HAVCR2: variants seen among roughly 807,000 people sequenced by gnomAD.
The protein encoded by HAVCR2 is hepatitis A virus cellular receptor 2.
A neutral mutation model predicts 24.7 loss-of-function variants in HAVCR2; 13 were observed. The observed-to-expected ratio is 0.53, with a 90% CI of 0.34 to 0.84. The LOEUF (loss-of-function observed/expected upper bound fraction) is 0.84, where lower values mean the gene tolerates loss of function less well. Ranked by LOEUF, HAVCR2 falls within the 40% of genes least tolerant of loss-of-function variation. The probability of loss-of-function intolerance (pLI) is 0.01; values close to 1 mark genes in which losing one functional copy is unlikely to be tolerated. For synonymous variants in HAVCR2, 154 were observed against 143.4 expected (o/e 1.07, Z -0.53); for missense variants, 343 against 371.2 (o/e 0.92, Z 0.62).
rs372946929 is a variant in HAVCR2, at chr5:157,106,756, G to C, written c.265C>G (p.Arg89Gly). Reference sequence around the variant, plus strand: ...ATGGTCAGGGACACATCTCCTTTGCGGAAATCCCCATTTAGCCAGTATCTG... The same window carrying C: ...ATGGTCAGGGACACATCTCCTTTGCCGAAATCCCCATTTAGCCAGTATCTG... ...TSRYWLNGDFRKGDVSLTIEN... is the reference protein window; with the variant it reads ...TSRYWLNGDFGKGDVSLTIEN... The change falls in exon 2 of 7, where the codon CGC (arginine) becomes GGC (glycine). Residue 89 changes from arginine to glycine, a missense_variant. By Grantham distance (125) the Arg-to-Gly change is moderately radical. Transcript: ENST00000307851. 19 of 1,613,996 alleles carry C rather than the reference G, an allele frequency of 1.2e-5. No homozygotes were observed. Among genetic ancestry groups the C allele is most frequent in the Middle Eastern group, 1.6e-4 (1 of 6,084 alleles).
chr5:157,098,452 G>T (rs931089635), intron 4 of HAVCR2, among the ~76,000 whole-genome samples: 1 of 151,786 alleles, frequency 6.6e-6, no homozygotes, highest in East Asian at 1.9e-4. Context: ...TTCCTGACTG[G>T]TGTCTTGCCA....
intron 3 of HAVCR2, among the ~76,000 whole-genome samples, chr5:157,102,372 C>A (rs190659423): frequency 6.6e-6 from 1 of 152,216 alleles, no homozygotes; most frequent in East Asian, 1.9e-4. Flanking sequence ...CTGTGCCCAG[C>A]CCCATTTTTA....
Position 157,106,799 on chromosome 5 carries a change from A to T in HAVCR2, c.222T>A (p.Asp74Glu), listed in dbSNP as rs372130478. Residue 74 changes from aspartate to glutamate, a missense_variant, in exon 2 of 7, where the codon GAT becomes GAA. Physicochemically the swap from Asp to Glu is conservative, Grantham distance 45. Transcript: ENST00000307851. ...GNVVLRTDER[D>E]VNYWTSRYWL... ...AGTATCTGGATGTCCAATAATTCAC[A>T]TCCCTTTCATCAGTCCTGAGCACCA... is the stretch of plus-strand genomic sequence containing the variant. 6 of 1,614,040 alleles carry T rather than the reference A, an allele frequency of 3.7e-6. No individual in the cohort carries two copies. In the African/African-American group the frequency reaches 8.0e-5, roughly 22 times the overall value.
At chr5:157,088,046 C>A (rs1427393345) in intron 6 of HAVCR2, among the ~76,000 whole-genome samples, 1 of 152,140 alleles carries the variant, frequency 6.6e-6, no homozygotes, top group Non-Finnish European at 1.5e-5. Flanking sequence ...CAGCCTTCAT[C>A]TCCTGTGCTC....
At chr5:157,099,916 G>C (rs554632145) in intron 3 of HAVCR2, among the ~76,000 whole-genome samples, 1 of 152,042 alleles carries the variant, frequency 6.6e-6, no homozygotes, top group Non-Finnish European at 1.5e-5. Flanking sequence ...GGCTAGTCTC[G>C]AACTCCTGAC....
chr5:157,089,970 G>A (rs1006861560), intron 5 of HAVCR2, among the ~76,000 whole-genome samples: 1 of 152,056 alleles, frequency 6.6e-6, no homozygotes, highest in African/African-American at 2.4e-5. Flanking sequence ...TTTACCCGCT[G>A]AAAACAACTA....
intron 3 of HAVCR2, 137 bp from the exon 4 acceptor site, chr5:157,099,038 G>T: frequency 1.3e-6 from 1 of 753,906 alleles, no homozygotes. Flanking sequence ...CTCCGTACTT[G>T]TCACAATAAT....
chr5:157,104,052 A>G (rs1293177478), intron 3 of HAVCR2, among the ~76,000 whole-genome samples: 1 of 152,218 alleles, frequency 6.6e-6, no homozygotes, highest in African/African-American at 2.4e-5. Context: ...GAAGAAAAAA[A>G]AAATGGAGCT....
chr5:157,088,712 G>T (rs1235884203), intron 6 of HAVCR2, among the ~76,000 whole-genome samples: 1 of 152,190 alleles, frequency 6.6e-6, no homozygotes, highest in Non-Finnish European at 1.5e-5. Flanking sequence ...TATTATTAGG[G>T]TGATAAATTC....
At chr5:157,103,476 A>G (rs1757201105) in intron 3 of HAVCR2, among the ~76,000 whole-genome samples, 1 of 152,174 alleles carries the variant, frequency 6.6e-6, no homozygotes, top group Non-Finnish European at 1.5e-5. Flanking sequence ...TTTAAAATAT[A>G]ACAATGGCAT....
At chr5:157,098,983 A>T (rs1009460922) in intron 3 of HAVCR2, 82 bp from the exon 4 acceptor site, 12 of 1,268,034 alleles carry the variant, frequency 9.5e-6, no homozygotes, top group Non-Finnish European at 1.3e-5. Flanking sequence ...CTAAGTTTTT[A>T]AAAAATCTTA....
intron 4 of HAVCR2, among the ~76,000 whole-genome samples, chr5:157,095,707 TAAAAAAA>T (rs35269370): frequency 1.5e-5 from 2 of 130,000 alleles, no homozygotes; most frequent in African/African-American, 5.8e-5. Flanking sequence ...AAGGAGCTCT[TAAAAAAA>T]AAAAAAAAAA....
chr5:157,095,366 C>A lies in HAVCR2; in HGVS notation c.616G>T (p.Gly206Ter). 1 of 1,614,070 alleles carries A rather than the reference C, an allele frequency of 6.2e-7. No individual in the cohort carries two copies. The highest frequency in any genetic ancestry group is 8.5e-7 in the Non-Finnish European group (1 of 1,180,006). ...GATIRIGIYI[G>*]AGICAGLALA... is the part of the protein sequence containing the mutation. Reference sequence around the variant, plus strand: ...GCCAGCCCAGCACAGATCCCTGCTCCGATGTAGATGCCTATTCTGATGGTT... The same window carrying A: ...GCCAGCCCAGCACAGATCCCTGCTCAGATGTAGATGCCTATTCTGATGGTT... The change falls in exon 5 of 7, where the codon GGA becomes TGA. Residue 206 changes from glycine (G) to a stop codon, truncating the protein, a stop_gained. Coordinates refer to ENST00000307851, the MANE Select transcript of HAVCR2 (RefSeq NM_032782.5). LOFTEE classifies it high-confidence loss of function.
intron 6 of HAVCR2, among the ~76,000 whole-genome samples, chr5:157,088,683 G>A (rs545384901): frequency 6.6e-6 from 1 of 152,264 alleles, no homozygotes; most frequent in South Asian, 2.1e-4. Flanking sequence ...CATTAATATC[G>A]AGATGAATAA....
chr5:157,106,992 T>C, intron 1 of HAVCR2, 30 bp from the exon 2 acceptor site: 6 of 1,564,614 alleles, frequency 3.8e-6, no homozygotes, highest in Non-Finnish European at 5.2e-6. Flanking sequence ...GAGCCAAGAC[T>C]CAAGCGGTGA....
chr5:157,105,413 T>C (rs560318258), intron 2 of HAVCR2, among the ~76,000 whole-genome samples: 2 of 152,312 alleles, frequency 1.3e-5, no homozygotes, highest in Admixed American at 1.3e-4. Flanking sequence ...TATGTTCCAA[T>C]GAGCTTTTCC....
At chr5:157,091,133 AG>A (rs887435141) in intron 5 of HAVCR2, among the ~76,000 whole-genome samples, 1 of 152,214 alleles carries the variant, frequency 6.6e-6, no homozygotes, top group African/African-American at 2.4e-5. Flanking sequence ...TCAATTTAAA[AG>A]GTTGACTATA....
At chr5:157,107,031 C>T in intron 1 of HAVCR2, 69 bp from the exon 2 acceptor site, 1 of 1,260,330 alleles carries the variant, frequency 7.9e-7, no homozygotes, top group Non-Finnish European at 1.1e-6. Context: ...AGGAAAACTG[C>T]AAGCCATGTC....
At chr5:157,097,435 T>A (rs1757108447) in intron 4 of HAVCR2, among the ~76,000 whole-genome samples, 1 of 151,856 alleles carries the variant, frequency 6.6e-6, no homozygotes, top group African/African-American at 2.4e-5. Flanking sequence ...TTAAAAAATA[T>A]TTTTTGTAGA....
Sources: gnomAD v4.1 joint callset for allele counts (sites outside exome capture counted in the v4.1 genomes callset) on GRCh38, gnomAD v4.1.1 for gene constraint, MANE v1.5 for transcripts, NCBI Gene and HGNC (gene_info 2026-07-23, HGNC 2026-07-21) for gene names.